Variants in GRXCR1 observed in about 807,000 individuals in gnomAD.
The protein encoded by GRXCR1 is glutaredoxin and cysteine rich domain containing 1, also known as glutaredoxin domain-containing cysteine-rich protein 1.
Under a neutral mutation model 27.3 loss-of-function variants are expected in GRXCR1, and 27 were observed. The observed-to-expected ratio is 0.99, with a 90% CI of 0.73 to 1.37. GRXCR1 has a LOEUF of 1.37. GRXCR1 is among the 40% of genes most tolerant of loss of function. The probability of loss-of-function intolerance (pLI) is 0.00; values close to 1 mark genes in which losing one functional copy is unlikely to be tolerated. For synonymous variants in GRXCR1, 122 were observed against 131.1 expected (o/e 0.93, Z 0.47); for missense variants, 379 against 354.4 (o/e 1.07, Z -0.56).
At chr4:43,028,219 T>G (rs1015429123) in intron 3 of GRXCR1, among the ~76,000 whole-genome samples, 1 of 152,228 alleles carries the variant, frequency 6.6e-6, no homozygotes, top group Non-Finnish European at 1.5e-5. Context: ...CCTATAAATT[T>G]TGCCAGATAC....
intron 1 of GRXCR1, among the ~76,000 whole-genome samples, chr4:42,906,185 A>C (rs534199503): frequency 5.8e-4 from 88 of 152,302 alleles, no homozygotes; most frequent in Non-Finnish European, 7.4e-4. Flanking sequence ...GCTGGTGAAC[A>C]GTTTTTCATT....
chr4:43,028,242 C>T (rs76324876), intron 3 of GRXCR1, among the ~76,000 whole-genome samples: 5,134 of 152,158 alleles, frequency 0.034, 132 homozygotes, highest in East Asian at 0.085. Context: ...TGCAGGATGC[C>T]CACTTACATT....
At chr4:43,001,336 G>A (rs997193558) in intron 2 of GRXCR1, among the ~76,000 whole-genome samples, 16 of 152,014 alleles carry the variant, frequency 1.1e-4, no homozygotes, top group African/African-American at 1.7e-4. Flanking sequence ...AAGTCCCATC[G>A]TGCCTCAGTA....
At position 42,930,880 on chromosome 4, in the gene GRXCR1, G is replaced by C. The variant is rs1295794113; in HGVS notation, c.385-32012G>C. The stretch of plus-strand genomic sequence containing the variant: ...TTTTCTTTTGCTGTGACAATAATTA[G>C]AAATTTATCAAGCTAGTAAATTTTC... On this transcript the variant is annotated intron_variant, in intron 1 of 3. Transcript: ENST00000399770. Among the ~76,000 whole-genome samples the C allele has an allele frequency of 2.6e-5, 4 of 151,832 alleles. No individual in the cohort carries two copies. The East Asian group carries it at 7.8e-4, about 30-fold the overall frequency.
chr4:42,993,178 T>C (rs2109792056), intron 2 of GRXCR1, among the ~76,000 whole-genome samples: 1 of 152,184 alleles, frequency 6.6e-6, no homozygotes, highest in Admixed American at 6.5e-5. Flanking sequence ...AAAAGGTAAG[T>C]GAAATAAAAA....
intron 1 of GRXCR1, among the ~76,000 whole-genome samples, chr4:42,929,573 G>A (rs1314244581): frequency 1.3e-5 from 2 of 151,912 alleles, no homozygotes; most frequent in East Asian, 3.9e-4. Flanking sequence ...ATTTGGGGAG[G>A]ATTTGGAGGT....
intron 3 of GRXCR1, among the ~76,000 whole-genome samples, chr4:43,027,094 G>T (rs1366664377): frequency 6.6e-6 from 1 of 152,214 alleles, no homozygotes; most frequent in Non-Finnish European, 1.5e-5. Context: ...ACCACAAGCA[G>T]TTTAGCTTAA....
chr4:42,914,803 G>A (rs1227155137), intron 1 of GRXCR1, among the ~76,000 whole-genome samples: 1 of 152,062 alleles, frequency 6.6e-6, no homozygotes, highest in East Asian at 1.9e-4. Context: ...GTCAAAACTG[G>A]GACCAGGTGG....
chr4:42,960,970 T>G (rs1748118143), intron 1 of GRXCR1, among the ~76,000 whole-genome samples: 2 of 151,778 alleles, frequency 1.3e-5, no homozygotes, highest in Admixed American at 6.6e-5. Flanking sequence ...CTCGCATGCA[T>G]TTTCTATTTT....
chr4:42,941,505 C>T lies in GRXCR1; in HGVS notation c.385-21387C>T, dbSNP rs144194921. Among the ~76,000 whole-genome samples, 551 of 152,020 alleles carry T rather than the reference C, an allele frequency of 3.6e-3. 2 individuals carry two copies. The highest frequency in any genetic ancestry group is 0.012 in the African/African-American group (518 of 41,482). The stretch of plus-strand genomic sequence containing the variant: ...TTGAATTACATAATTATTTGGCTTC[C>T]GACATCTGCTTCCCACATTTGTTTT... On this transcript the variant is annotated intron_variant, in intron 1 of 3. Coordinates refer to ENST00000399770, the MANE Select transcript of GRXCR1 (RefSeq NM_001080476.3).
At chr4:42,923,891 G>T (rs1747081355) in intron 1 of GRXCR1, among the ~76,000 whole-genome samples, 2 of 152,206 alleles carry the variant, frequency 1.3e-5, no homozygotes, top group African/African-American at 4.8e-5. Context: ...GAAGTTTCAA[G>T]ATGCTGGTGA....
rs535555019 is a variant in GRXCR1 at position 43,006,844 on chromosome 4, G to A, written c.628-13510G>A. ...GTTTTTGTGGCTTGTGGGGCATCAC[G>A]GAACGTACTGACATGTGATGTCTCC... On this transcript the variant is annotated intron_variant, in intron 2 of 3. Coordinates refer to ENST00000399770, the MANE Select transcript of GRXCR1 (RefSeq NM_001080476.3). Among the ~76,000 whole-genome samples the A allele has an allele frequency of 1.4e-4, 22 of 152,144 alleles. 1 individual carries two copies. The highest frequency in any genetic ancestry group is 3.4e-3 in the Middle Eastern group (1 of 294).
intron 3 of GRXCR1, among the ~76,000 whole-genome samples, chr4:43,024,260 G>A (rs1713185478): frequency 7.6e-6 from 1 of 132,386 alleles, no homozygotes; most frequent in Non-Finnish European, 1.5e-5. Flanking sequence ...CCTGAGGGCG[G>A]GTAACCACTT....
At chr4:42,987,277 TAGAGAG>T (rs1181869530) in intron 2 of GRXCR1, among the ~76,000 whole-genome samples, 3 of 104,264 alleles carry the variant, frequency 2.9e-5, no homozygotes, top group South Asian at 3.1e-4. Context: ...TATATATATA[TAGAGAG>T]AGAGAGAGAG....
chr4:42,922,190 GACTTCTTGA>G (rs1367179939), intron 1 of GRXCR1, among the ~76,000 whole-genome samples: 4 of 152,116 alleles, frequency 2.6e-5, no homozygotes, highest in Non-Finnish European at 4.4e-5. Flanking sequence ...TTGGGGTTTA[GACTTCTTGA>G]ACTTCTTGGA....
In GRXCR1 at chr4:42,979,093, C is replaced by T. The variant is rs139563919; in HGVS notation, c.627+15959C>T. On this transcript the variant is annotated intron_variant, in intron 2 of 3. Coordinates refer to ENST00000399770, the MANE Select transcript of GRXCR1 (RefSeq NM_001080476.3). ...ATCAAACCTCTCTCTCCTTTATAAA[C>T]CACTCTGTCTTAGGCAGAATCTTTA... Among the ~76,000 whole-genome samples, 784 of 152,158 alleles carry T rather than the reference C, an allele frequency of 5.2e-3. 21 individuals carry two copies. Among genetic ancestry groups the T allele is most frequent in the Admixed American group, 0.046 (697 of 15,252 alleles).
At chr4:43,024,810 T>C (rs1713203290) in intron 3 of GRXCR1, among the ~76,000 whole-genome samples, 1 of 152,162 alleles carries the variant, frequency 6.6e-6, no homozygotes, top group Non-Finnish European at 1.5e-5. Flanking sequence ...ACAAAATACA[T>C]AGACCAAGAT....
chr4:42,946,329 A>G (rs1418497924), intron 1 of GRXCR1, among the ~76,000 whole-genome samples: 3 of 152,294 alleles, frequency 2.0e-5, no homozygotes, highest in South Asian at 2.1e-4. Context: ...TGGCTTGCTT[A>G]TTTTGAATTA....
At position 42,893,512 on chromosome 4, in the gene GRXCR1, G is replaced by A. The variant is rs1356231505; in HGVS notation, c.246G>A (p.Val82=). 2.5e-6 allele frequency: 4 copies of A among 1,613,716 alleles called. No individual in the cohort carries two copies. The African/African-American group carries it at 4.0e-5, about 16-fold the overall frequency. ...AGAATGACCAGGATAGCTTGCTGGT[G>A]TTAGCAAGGGCTGCCAGTGAGAAGG... The part of the protein sequence containing the change: ...ENENDQDSLL[V]LARAASEKGF... Residue 82 remains valine (V), a synonymous_variant, in exon 1 of 4, where the codon GTG becomes GTA. Transcript: ENST00000399770.
Sources: allele counts gnomAD v4.1 joint callset (sites outside exome capture counted in the v4.1 genomes callset), GRCh38; gene constraint gnomAD v4.1.1; transcripts MANE v1.5; gene names NCBI Gene and HGNC (gene_info 2026-07-23, HGNC 2026-07-21).